The following LCN9 variants were observed in gnomAD, a reference collection of about 807,000 sequenced individuals.
The protein encoded by LCN9 is lipocalin 9.
A neutral mutation model predicts 18.5 loss-of-function variants in LCN9; 22 were observed. The observed-to-expected ratio is 1.19, with a 90% CI of 0.85 to 1.70. LCN9 has a LOEUF of 1.70. Ranked by LOEUF, LCN9 falls within the 40% of genes most tolerant of loss-of-function variation. The pLI, the probability that LCN9 is intolerant of heterozygous loss-of-function variation, is 0.00. For missense variants in LCN9, 202 were observed against 201.3 expected (o/e 1.00, Z -0.02); for synonymous variants, 89 against 83.0 (o/e 1.07, Z -0.39).
rs767686934 is a variant in LCN9 at position 135,665,917 on chromosome 9, C to T, written c.*66C>T. 1.2e-5 allele frequency: 20 copies of T among 1,609,748 alleles called. No individual in the cohort carries two copies. In the East Asian group the frequency reaches 1.3e-4, roughly 11 times the overall value. On this transcript the variant is annotated 3_prime_UTR_variant, in exon 6 of 6. Coordinates refer to ENST00000619315, the Ensembl canonical transcript of LCN9. The surrounding 1 kb of genome is among the most constrained non-coding windows in gnomAD (Gnocchi z 5.9). ...GCCCAGGCCTCCCATGCGTGAGCTGCGACTCGGGACGGGCAGGGGGCTGGA... is the reference window on the plus strand; with the variant it reads ...GCCCAGGCCTCCCATGCGTGAGCTGTGACTCGGGACGGGCAGGGGGCTGGA...
rs141127781 is a variant in LCN9 at position 135,664,385 on chromosome 9, C to G, written c.233+87C>G. On this transcript the variant is annotated intron_variant, in intron 2 of 5. Transcript: ENST00000619315. The surrounding 1 kb of genome is among the most constrained non-coding windows in gnomAD (Gnocchi z 4.5). ...ACTCTCACTCTTGCACACACACGCT[C>G]GCACACTCACTGACTTGCACTCTGG... The G allele has an allele frequency of 6.6e-7, 1 of 1,512,698 alleles. No individual in the cohort carries two copies. The allele number at this position is 1,512,698 out of a possible 1,614,324, so 93.7% of individuals were successfully genotyped here.
At chr9:135,663,527 C>T (rs575769782) in intron 1 of LCN9, 110 bp downstream of exon 1, 2 of 844,818 alleles carry the variant, frequency 2.4e-6, no homozygotes, top group East Asian at 2.9e-5. Context: ...AAGGGGAGCC[C>T]ACCTCTCCTC....
At chr9:135,666,714 G>A (rs941668387) in exon 6 of LCN9, among the ~76,000 whole-genome samples, 8 of 152,236 alleles carry the variant, frequency 5.3e-5, no homozygotes, top group Admixed American at 1.3e-4. Flanking sequence ...CCTGTGGTGC[G>A]TGGTGGCCCC....
rs2119180340 is a variant in LCN9 at position 135,665,613 on chromosome 9, C to A, written c.419-75C>A. 6.9e-7 allele frequency: 1 copy of A among 1,448,314 alleles called. No individual in the cohort carries two copies. 89.7% of individuals were successfully genotyped at this position (1,448,314 alleles called of 1,614,324 possible). A position where few individuals can be genotyped will look rare whatever the true frequency, so the allele number is the denominator to read the frequency against. ...CTCAGCACTTCCTGAGCACCCCCAGCAAGGCCCAGCTTCACACAGAACCAA... is the reference window on the plus strand; with the variant it reads ...CTCAGCACTTCCTGAGCACCCCCAGAAAGGCCCAGCTTCACACAGAACCAA... On this transcript the variant is annotated intron_variant, in intron 4 of 5. Coordinates refer to ENST00000619315, the Ensembl canonical transcript of LCN9. This position sits in a 1 kb window ranked among gnomAD's most constrained non-coding sequence, Gnocchi z 5.9.
In LCN9 at chr9:135,663,409, G is replaced by A. The variant is rs772684822; in HGVS notation, c.88G>A (p.Val30Met). 7.4e-6 allele frequency: 12 copies of A among 1,613,698 alleles called. No individual in the cohort carries two copies. The African/African-American group carries it at 9.3e-5, about 13-fold the overall frequency. ...CACCGTTATGCAGAGGAACTACAAC[G>A]TGGCCAGGGTGTGTCTGCGTTGGGG... Residue 30 changes from valine (V) to methionine (M), a missense_variant, in exon 1 of 6, where the codon GTG becomes ATG. Coordinates refer to ENST00000619315, the Ensembl canonical transcript of LCN9.
chr9:135,664,869 G>C lies in LCN9; in HGVS notation c.307+74G>C. 7.0e-7 allele frequency: 1 copy of C among 1,436,924 alleles called. No individual in the cohort carries two copies. The highest frequency in any genetic ancestry group is 1.2e-5 in the South Asian group (1 of 80,624). 89.0% of individuals were successfully genotyped at this position (1,436,924 alleles called of 1,614,324 possible). On this transcript the variant is annotated intron_variant, in intron 3 of 5. Transcript: ENST00000619315. The surrounding 1 kb of genome is among the most constrained non-coding windows in gnomAD (Gnocchi z 4.5). ...TCTCCAGGGCCTGGGCCATATTCTG[G>C]TGAGCACTGACTCTGGGGATTTTAG...
intron 1 of LCN9, among the ~76,000 whole-genome samples, 184 bp from the exon 2 acceptor site, chr9:135,663,978 G>A (rs1364882991): frequency 7.2e-6 from 1 of 139,580 alleles, no homozygotes; most frequent in Non-Finnish European, 1.5e-5. Flanking sequence ...GAGCAGAGGG[G>A]CGACCTTGGG....
rs1428888085 is a variant in LCN9 at position 135,665,123 on chromosome 9, C to A, written c.308-122C>A. 6 of 721,792 alleles carry A rather than the reference C, an allele frequency of 8.3e-6. No homozygotes were observed. The highest frequency in any genetic ancestry group is 1.4e-5 in the Non-Finnish European group (6 of 413,828). The allele number at this position is 721,792 out of a possible 1,614,324, so 44.7% of individuals were successfully genotyped here. ...GTCTCCGCTGGGTGAGCACCGTGGG[C>A]TCCTCCCCTCCCGCCTCAAAAGGCC... On this transcript the variant is annotated intron_variant, in intron 3 of 5. Transcript: ENST00000619315. This position sits in a 1 kb window ranked among gnomAD's most constrained non-coding sequence, Gnocchi z 5.9.
intron 1 of LCN9, 46 bp downstream of exon 1, chr9:135,663,463 C>A: frequency 1.3e-6 from 2 of 1,551,006 alleles, no homozygotes; most frequent in Non-Finnish European, 1.8e-6. Context: ...GGCTTCAAGG[C>A]ACCTGTCTTC....
chr9:135,663,507 C>A lies in LCN9; in HGVS notation c.96+90C>A, dbSNP rs564929959. ...TGGGGTCTCTGACCTGTGACCAGGG[C>A]AACTGGTCCAAGGGGAGCCCACCTC... On this transcript the variant is annotated intron_variant, in intron 1 of 5. Transcript: ENST00000619315. 48 of 966,832 alleles carry A rather than the reference C, an allele frequency of 5.0e-5. 1 individual carries two copies. The African/African-American group carries it at 6.1e-4, about 12-fold the overall frequency. 59.9% of individuals were successfully genotyped at this position (966,832 alleles called of 1,614,324 possible). A position where few individuals can be genotyped will look rare whatever the true frequency, so the allele number is the denominator to read the frequency against.
Position 135,664,902 on chromosome 9 carries a change from C to A in LCN9, c.307+107C>A. 8.2e-7 allele frequency: 1 copy of A among 1,219,452 alleles called. No homozygotes were observed. The highest frequency in any genetic ancestry group is 1.2e-6 in the Non-Finnish European group (1 of 866,490). The allele number at this position is 1,219,452 out of a possible 1,614,324, so 75.5% of individuals were successfully genotyped here. On this transcript the variant is annotated intron_variant, in intron 3 of 5. Transcript: ENST00000619315. This position sits in a 1 kb window ranked among gnomAD's most constrained non-coding sequence, Gnocchi z 4.5. ...TGACTCTGGGGATTTTAGTTAAGCC[C>A]CTGACAGCTTGACCCTGAACTGGAG...
At chr9:135,666,094 A>G (rs1834218213) in exon 6 of LCN9, 1 of 1,599,320 alleles carries the variant, frequency 6.3e-7, no homozygotes, top group African/African-American at 1.3e-5. Flanking sequence ...GGGGCCTTCC[A>G]GGGTGGTAAG....
Position 135,665,968 on chromosome 9 carries a change from G to C in LCN9, c.*117G>C. On this transcript the variant is annotated 3_prime_UTR_variant, in exon 6 of 6. Transcript: ENST00000619315. This position sits in a 1 kb window ranked among gnomAD's most constrained non-coding sequence, Gnocchi z 5.9. Reference sequence around the variant, plus strand: ...TGGGGAGAGCTTGGGGCCAACGTCAGAGGCTGCGGGGTCCCACCCCAGGAG... The same window carrying C: ...TGGGGAGAGCTTGGGGCCAACGTCACAGGCTGCGGGGTCCCACCCCAGGAG... 6.3e-7 allele frequency: 1 copy of C among 1,599,430 alleles called. No individual in the cohort carries two copies. Among genetic ancestry groups the C allele is most frequent in the South Asian group, 1.1e-5 (1 of 90,244 alleles).
chr9:135,664,303 G>T lies in LCN9; in HGVS notation c.233+5G>T, dbSNP rs369580116. On this transcript the variant is annotated splice_donor_5th_base_variant and intron_variant, in intron 2 of 5. Coordinates refer to ENST00000619315, the Ensembl canonical transcript of LCN9. The surrounding 1 kb of genome is among the most constrained non-coding windows in gnomAD (Gnocchi z 4.5). ...AATATTTGATTTCGAATACATGTGC[G>T]TGTTGCCCATCTCAGCTGGCATCAG... 24 of 1,613,572 alleles carry T rather than the reference G, an allele frequency of 1.5e-5. No individual in the cohort carries two copies. The highest frequency in any genetic ancestry group is 1.9e-5 in the Non-Finnish European group (23 of 1,179,786).
rs1450697368 is a variant in LCN9 at position 135,664,801 on chromosome 9, T to G, written c.307+6T>G. ...TGGGGAATACTCCATCAACTGTAAG[T>G]GGAAGCCAGGCTCCTCCTGGTCTCA... On this transcript the variant is annotated splice_donor_region_variant and intron_variant, in intron 3 of 5. Coordinates refer to ENST00000619315, the Ensembl canonical transcript of LCN9. The surrounding 1 kb of genome is among the most constrained non-coding windows in gnomAD (Gnocchi z 4.5). 6.3e-7 allele frequency: 1 copy of G among 1,576,740 alleles called. No individual in the cohort carries two copies. Among genetic ancestry groups the G allele is most frequent in the African/African-American group, 1.4e-5 (1 of 73,986 alleles).
Position 135,665,658 on chromosome 9 carries a change from C to G in LCN9, c.419-30C>G, listed in dbSNP as rs1015537793. 2 of 1,595,744 alleles carry G rather than the reference C, an allele frequency of 1.3e-6. No homozygotes were observed. The highest frequency in any genetic ancestry group is 2.7e-5 in the African/African-American group (2 of 74,586). On this transcript the variant is annotated intron_variant, in intron 4 of 5. Coordinates refer to ENST00000619315, the Ensembl canonical transcript of LCN9. The surrounding 1 kb of genome is among the most constrained non-coding windows in gnomAD (Gnocchi z 5.9). ...AACCAACTCTGTTCCCAGCACGGGTCCCATAGCTGGAACCCTCCTTCCTGA... is the reference window on the plus strand; with the variant it reads ...AACCAACTCTGTTCCCAGCACGGGTGCCATAGCTGGAACCCTCCTTCCTGA...
Position 135,665,330 on chromosome 9 carries a change from C to T in LCN9, c.393C>T (p.Thr131=), listed in dbSNP as rs755097116. The T allele has an allele frequency of 5.0e-6, 8 of 1,604,864 alleles. No homozygotes were observed. Among genetic ancestry groups the T allele is most frequent in the Middle Eastern group, 1.7e-4 (1 of 6,038 alleles). ...ACCTCCAGAACTTCAGGAACGGGAC[C>T]GAGACCCACACGCTGGCGCTCTATG... Residue 131 remains threonine, a synonymous_variant, in exon 4 of 6, where the codon ACC becomes ACT. Coordinates refer to ENST00000619315, the Ensembl canonical transcript of LCN9. The surrounding 1 kb of genome is among the most constrained non-coding windows in gnomAD (Gnocchi z 5.9).
chr9:135,663,835 G>GA (rs139320026), intron 1 of LCN9, among the ~76,000 whole-genome samples: 1 of 29,912 alleles, frequency 3.3e-5, no homozygotes, highest in South Asian at 1.1e-3. Flanking sequence ...GACCTGTGGG[G>GA]CAGAGGGGGC....
Position 135,665,436 on chromosome 9 carries a change from C to G in LCN9, c.418+81C>G, listed in dbSNP as rs1834202494. On this transcript the variant is annotated intron_variant, in intron 4 of 5. Coordinates refer to ENST00000619315, the Ensembl canonical transcript of LCN9. The surrounding 1 kb of genome is among the most constrained non-coding windows in gnomAD (Gnocchi z 5.9). ...GGCCCAACCCTGGGCGGAGGAGGGT[C>G]TCGCAGTGGCCCTGGGGTTTGGAGA... 8.6e-7 allele frequency: 1 copy of G among 1,160,522 alleles called. No individual in the cohort carries two copies. Among genetic ancestry groups the G allele is most frequent in the South Asian group, 1.3e-5 (1 of 76,108 alleles). 71.9% of individuals were successfully genotyped at this position (1,160,522 alleles called of 1,614,324 possible).
Sources: gnomAD v4.1 joint callset for allele counts (sites outside exome capture counted in the v4.1 genomes callset) on GRCh38, gnomAD v4.1.1 for gene constraint, Gnocchi (gnomAD v3.1) non-coding constraint, MANE v1.5 for transcripts, NCBI Gene and HGNC (gene_info 2026-07-23, HGNC 2026-07-21) for gene names.